Variants in CFHR3 observed in about 807,000 individuals in gnomAD.
CFHR3 encodes the protein complement factor H related 3, also known as complement factor H-related protein 3.
A neutral mutation model predicts 36.0 loss-of-function variants in CFHR3; 22 were observed. That is an observed-to-expected ratio of 0.61 (90% CI 0.44 to 0.87). The LOEUF (loss-of-function observed/expected upper bound fraction) is 0.87. CFHR3 is among the 40% of genes least tolerant of loss of function. The probability of loss-of-function intolerance (pLI) is 0.00; values close to 1 mark genes in which losing one functional copy is unlikely to be tolerated. For synonymous variants in CFHR3, 97 were observed against 137.4 expected (o/e 0.71, Z 2.06); for missense variants, 276 against 401.3 (o/e 0.69, Z 2.67).
rs1183102717 is a variant in CFHR3 at position 196,791,062 on chromosome 1, T to A, written c.796+835T>A. 2.2e-5 allele frequency among the ~76,000 whole-genome samples: 3 copies of A among 137,120 alleles called. 1 individual carries two copies. The highest frequency in any genetic ancestry group is 1.9e-4 in the East Asian group (1 of 5,130). 90.0% of individuals were successfully genotyped at this position (137,120 alleles called of 152,430 possible). On this transcript the variant is annotated intron_variant, in intron 5 of 5. Transcript: ENST00000367425. ...TTTTCCTGATAGAACACATAGCTGG[T>A]TAACACTGAGAAGTTCTTTCTCTGA...
In CFHR3 at chr1:196,779,209, G is replaced by T. The variant is rs748096320; in HGVS notation, c.106G>T (p.Glu36Ter). 3 of 1,530,158 alleles carry T rather than the reference G, an allele frequency of 2.0e-6. No homozygotes were observed. The Admixed American group carries it at 5.2e-5, about 26-fold the overall frequency. 94.8% of individuals were successfully genotyped at this position (1,530,158 alleles called of 1,614,324 possible). ...PDIKHGGLFH[E>*]NMRRPYFPVA... Reference sequence around the variant, plus strand: ...CATTAAACATGGAGGTCTATTTCATGAGAATATGCGTAGACCATACTTTCC... The same window carrying T: ...CATTAAACATGGAGGTCTATTTCATTAGAATATGCGTAGACCATACTTTCC... Residue 36 changes from glutamate to a stop codon, truncating the protein, a stop_gained, in exon 2 of 6, where the codon GAG becomes TAG. Coordinates refer to ENST00000367425, the MANE Select transcript of CFHR3 (RefSeq NM_021023.6). LOFTEE classifies it high-confidence loss of function.
rs1452426357 is a variant in CFHR3 at position 196,788,788 on chromosome 1, A to G, written c.613+390A>G. ...GTGCTCACGCTCAGAAAAGTTGTAC[A>G]TGTCGGGGGAGAAATGAGTGCTTAA... On this transcript the variant is annotated intron_variant, in intron 4 of 5. Coordinates refer to ENST00000367425, the MANE Select transcript of CFHR3 (RefSeq NM_021023.6). 15 of 1,457,150 alleles carry G rather than the reference A, an allele frequency of 1.0e-5. 1 individual carries two copies. Among genetic ancestry groups the G allele is most frequent in the Non-Finnish European group, 1.3e-5 (14 of 1,099,870 alleles). 90.3% of individuals were successfully genotyped at this position (1,457,150 alleles called of 1,614,324 possible).
rs576706012 is a variant in CFHR3 at position 196,779,870 on chromosome 1, T to C, written c.327T>C (p.Ser109=). Residue 109 remains serine (S), a synonymous_variant, in exon 3 of 6, where the codon TCT becomes TCC. Transcript: ENST00000367425. ...GAAGAAAGTTTGTACAGGGTAACTC[T>C]ACAGAAGTTGCCTGCCATCCTGGCT... is the stretch of plus-strand genomic sequence containing the variant. ...NYGRKFVQGN[S]TEVACHPGYG... The C allele has an allele frequency of 2.6e-6, 4 of 1,533,498 alleles. 1 individual carries two copies. In the South Asian group the frequency reaches 3.7e-5, roughly 14 times the overall value. The allele number at this position is 1,533,498 out of a possible 1,614,324, so 95.0% of individuals were successfully genotyped here.
At chr1:196,788,897 T>G in intron 4 of CFHR3, 1 of 1,431,020 alleles carries the variant, frequency 7.0e-7, no homozygotes, top group Admixed American at 2.1e-5. Context: ...ATCAAAAAAT[T>G]ATCTCTACCC....
rs1248535389 is a variant in CFHR3, at chr1:196,783,997, G to T, written c.430+4024G>T. ...GAATGTGTCCCATAGATTCTGGTAT[G>T]TTGTGTCTTTGTTCTCGTTGGTTTC... On this transcript the variant is annotated intron_variant, in intron 3 of 5. Coordinates refer to ENST00000367425, the MANE Select transcript of CFHR3 (RefSeq NM_021023.6). 1.5e-5 allele frequency among the ~76,000 whole-genome samples: 2 copies of T among 136,072 alleles called. 1 individual carries two copies. 89.3% of individuals were successfully genotyped at this position (136,072 alleles called of 152,430 possible).
chr1:196,788,386 C>G lies in CFHR3; in HGVS notation c.601C>G (p.Pro201Ala), dbSNP rs138077074. The stretch of plus-strand genomic sequence containing the variant: ...TTTGCAAAATGGATGGTCAGCACAA[C>G]CAATTTGCATTAGTAAGTGATTTAC... ...TCLQNGWSAQPICINSSEKCG... is the reference protein window; with the variant it reads ...TCLQNGWSAQAICINSSEKCG... The change falls in exon 4 of 6, where the codon CCA (proline) becomes GCA (alanine). Residue 201 changes from proline (P) to alanine (A), a missense_variant. Pro to Ala is a conservative substitution (Grantham distance 27). Around this residue, in one of 3 missense-constraint regions of CFHR3, gnomAD observed 178 missense variants for 247.2 expected, o/e 0.72. Transcript: ENST00000367425. 209 of 1,529,266 alleles carry G rather than the reference C, an allele frequency of 1.4e-4. 37 individuals are homozygous for G. Among genetic ancestry groups the G allele is most frequent in the Non-Finnish European group, 1.8e-4 (207 of 1,131,918 alleles). The allele number at this position is 1,529,266 out of a possible 1,614,324, so 94.7% of individuals were successfully genotyped here.
chr1:196,775,435 G>T (rs1170556927), intron 1 of CFHR3, among the ~76,000 whole-genome samples: 3 of 136,520 alleles, frequency 2.2e-5, no homozygotes, highest in African/African-American at 9.2e-5. Flanking sequence ...TAAGAAAGCT[G>T]CTAAAACTAA....
chr1:196,781,499 T>C (rs1349497216), intron 3 of CFHR3, among the ~76,000 whole-genome samples: 1 of 134,592 alleles, frequency 7.4e-6, no homozygotes, highest in African/African-American at 3.2e-5. Context: ...CCATTCTAAC[T>C]GGTGTGAGAT....
chr1:196,787,327 A>G (rs1388747613), intron 3 of CFHR3, among the ~76,000 whole-genome samples: 2 of 137,260 alleles, frequency 1.5e-5, no homozygotes, highest in African/African-American at 3.0e-5. Context: ...GAAACTGAAC[A>G]TTGTAGTTTA....
chr1:196,774,962 T>C lies in CFHR3; in HGVS notation c.58+18T>C, dbSNP rs560343091. The C allele has an allele frequency of 2.1e-4, 315 of 1,507,340 alleles. 72 individuals carry two copies. In the South Asian group the frequency reaches 3.6e-3, roughly 17 times the overall value. 93.4% of individuals were successfully genotyped at this position (1,507,340 alleles called of 1,614,324 possible). On this transcript the variant is annotated intron_variant, in intron 1 of 5. Coordinates refer to ENST00000367425, the MANE Select transcript of CFHR3 (RefSeq NM_021023.6). ...TGGACAAGGTAAGTTAAAAGAGATC[T>C]AAACACTCAGCTTCCCTCTTAAATG...
At position 196,785,585 on chromosome 1, in the gene CFHR3, G is replaced by A. The variant is rs1474295467; in HGVS notation, c.431-2631G>A. The stretch of plus-strand genomic sequence containing the variant: ...TCCATCACTGATACCCTTTCTTCCA[G>A]ATGATCACATCGGCTCCTGAGGCTT... On this transcript the variant is annotated intron_variant, in intron 3 of 5. Coordinates refer to ENST00000367425, the MANE Select transcript of CFHR3 (RefSeq NM_021023.6). Among the ~76,000 whole-genome samples the A allele has an allele frequency of 8.0e-5, 11 of 136,880 alleles. 4 individuals carry two copies. The highest frequency in any genetic ancestry group is 3.4e-4 in the African/African-American group (11 of 32,792). 89.8% of individuals were successfully genotyped at this position (136,880 alleles called of 152,430 possible).
rs1462349283 is a variant in CFHR3, at chr1:196,793,306, TCTG to T, written c.797-8_797-6del. The stretch of plus-strand genomic sequence containing the variant: ...AAATTATGATTGTTAATTGTTTTTT[TCTG>T]CTTTCAGATCCATGTATAATAACTG... On this transcript the variant is annotated splice_region_variant and splice_polypyrimidine_tract_variant and intron_variant, in intron 5 of 5. Coordinates refer to ENST00000367425, the MANE Select transcript of CFHR3 (RefSeq NM_021023.6). The T allele has an allele frequency of 4.7e-6, 7 of 1,498,542 alleles. 1 individual carries two copies. The highest frequency in any genetic ancestry group is 5.4e-6 in the Non-Finnish European group (6 of 1,109,068). 92.8% of individuals were successfully genotyped at this position (1,498,542 alleles called of 1,614,324 possible).
chr1:196,779,792 C>T lies in CFHR3; in HGVS notation c.254-5C>T, dbSNP rs753997804. 1 of 1,513,918 alleles carries T rather than the reference C, an allele frequency of 6.6e-7. No individual in the cohort carries two copies. The highest frequency in any genetic ancestry group is 2.3e-5 in the East Asian group (1 of 44,220). The allele number at this position is 1,513,918 out of a possible 1,614,324, so 93.8% of individuals were successfully genotyped here. A position where few individuals can be genotyped will look rare whatever the true frequency, so the allele number is the denominator to read the frequency against. On this transcript the variant is annotated splice_region_variant and splice_polypyrimidine_tract_variant and intron_variant, in intron 2 of 5. Transcript: ENST00000367425. ...TTTATTTATTTATCATTGCTATGTCCTTAGGAAAATGTTATTTTCCTTATT... is the reference window on the plus strand; with the variant it reads ...TTTATTTATTTATCATTGCTATGTCTTTAGGAAAATGTTATTTTCCTTATT...
intron 4 of CFHR3, 75 bp from the exon 5 acceptor site, chr1:196,789,970 A>C: frequency 8.7e-7 from 1 of 1,155,354 alleles, no homozygotes; most frequent in Non-Finnish European, 1.2e-6. Context: ...AGTTAAGAGT[A>C]TATAAAAAGC....
rs433142 is a variant in CFHR3, at chr1:196,792,630, G to A, written c.797-687G>A. The stretch of plus-strand genomic sequence containing the variant: ...CTGATTTTACAGATGAAGGCATAGT[G>A]AGACAGAGTAATTTGTCCATAATCA... On this transcript the variant is annotated intron_variant, in intron 5 of 5. Transcript: ENST00000367425. Among the ~76,000 whole-genome samples the A allele has an allele frequency of 8.1e-3, 1,101 of 135,278 alleles. 264 individuals carry two copies. The highest frequency in any genetic ancestry group is 0.032 in the African/African-American group (1,033 of 32,010). 88.7% of individuals were successfully genotyped at this position (135,278 alleles called of 152,430 possible).
intron 4 of CFHR3, 189 bp from the exon 5 acceptor site, chr1:196,789,856 A>G: frequency 8.7e-7 from 1 of 1,143,004 alleles, no homozygotes; most frequent in Non-Finnish European, 1.2e-6. Context: ...ACATATATGT[A>G]CATATATATG....
At chr1:196,779,488 C>G in intron 2 of CFHR3, 132 bp downstream of exon 2, 1 of 813,438 alleles carries the variant, frequency 1.2e-6, no homozygotes, top group Non-Finnish European at 1.9e-6. Context: ...AGCAAAATGA[C>G]CAAAATAGAT....
chr1:196,782,642 T>A (rs1344431907), intron 3 of CFHR3, among the ~76,000 whole-genome samples: 1 of 137,130 alleles, frequency 7.3e-6, no homozygotes, highest in Non-Finnish European at 1.5e-5. Flanking sequence ...GTGATTTTTG[T>A]ACATTGATTT....
chr1:196,793,289 A>G lies in CFHR3; in HGVS notation c.797-28A>G. The G allele has an allele frequency of 2.7e-6, 4 of 1,473,996 alleles. 1 individual carries two copies. The highest frequency in any genetic ancestry group is 4.0e-4 in the Middle Eastern group (2 of 5,022). 91.3% of individuals were successfully genotyped at this position (1,473,996 alleles called of 1,614,324 possible). ...TTTGCTCATGAAAGAGAAAATTATG[A>G]TTGTTAATTGTTTTTTTCTGCTTTC... On this transcript the variant is annotated intron_variant, in intron 5 of 5. Coordinates refer to ENST00000367425, the MANE Select transcript of CFHR3 (RefSeq NM_021023.6).
Sources: allele counts gnomAD v4.1 joint callset (sites outside exome capture counted in the v4.1 genomes callset), GRCh38; gene constraint gnomAD v4.1.1; regional missense constraint gnomAD v4.1.1; transcripts MANE v1.5; gene names NCBI Gene and HGNC (gene_info 2026-07-23, HGNC 2026-07-21).